Variants in SLC22A25 observed in about 807,000 individuals in gnomAD.
SLC22A25 encodes the protein solute carrier family 22 member 25.
A neutral mutation model predicts 45.9 loss-of-function variants in SLC22A25; 44 were observed. The ratio of observed to expected loss-of-function variants is 0.96; its 90% CI spans 0.75 to 1.23. The LOEUF (loss-of-function observed/expected upper bound fraction) is 1.23, where lower values mean the gene tolerates loss of function less well. Ranked by LOEUF, SLC22A25 falls within the 50% of genes most tolerant of loss-of-function variation. SLC22A25 has a pLI of 0.00. For missense variants in SLC22A25, 800 were observed against 666.4 expected (o/e 1.20, Z -2.21); for synonymous variants, 283 against 238.6 (o/e 1.19, Z -1.72).
chr11:63,163,148 C>A lies in SLC22A25; in HGVS notation c.*676G>T, dbSNP rs1291974382. Among the ~76,000 whole-genome samples the A allele has an allele frequency of 6.6e-6, 1 of 152,140 alleles. No homozygotes were observed. Among genetic ancestry groups the A allele is most frequent in the Non-Finnish European group, 1.5e-5 (1 of 68,028 alleles). ...GTGAAGTAAAAAACCAAGCTCCCAG[C>A]CTAGGATCTGGGAAGGCAGCTTGAA... is the stretch of plus-strand genomic sequence containing the variant. On this transcript the variant is annotated 3_prime_UTR_variant, in exon 12 of 12. Transcript: ENST00000306494.
chr11:63,242,888 G>A (rs181418063), intron 1 of SLC22A25, among the ~76,000 whole-genome samples: 62 of 152,208 alleles, frequency 4.1e-4, no homozygotes, highest in African/African-American at 1.1e-3. Context: ...AGCTCTGCTC[G>A]CCCACTGCCC....
At chr11:63,234,285 T>A (rs547966983) in intron 3 of SLC22A25, among the ~76,000 whole-genome samples, 172 of 152,248 alleles carry the variant, frequency 1.1e-3, no homozygotes, top group African/African-American at 4.0e-3. Context: ...TCTCTTTGTA[T>A]GTCTCTAAGG....
chr11:63,163,967 A>G lies in SLC22A25; in HGVS notation c.1501T>C (p.Tyr501His). 6.2e-7 allele frequency: 1 copy of G among 1,613,924 alleles called. No individual in the cohort carries two copies. The highest frequency in any genetic ancestry group is 1.7e-4 in the Middle Eastern group (1 of 6,056). Residue 501 changes from tyrosine (Y) to histidine (H), a missense_variant, in exon 12 of 12, where the codon TAT becomes CAT. Tyr to His is a moderately conservative substitution (Grantham distance 83). Coordinates refer to ENST00000306494, the MANE Select transcript of SLC22A25 (RefSeq NM_199352.6). ...CCAGAGAGGATGGCAAAGACTCCAT[A>G]GATGATCCAGGGCAGGGGTCGAGAA... Reference protein sequence around the residue: ...IYSRPLPWIIYGVFAILSGLV... With the variant: ...IYSRPLPWIIHGVFAILSGLV...
chr11:63,186,687 T>C (rs918124795), intron 7 of SLC22A25, among the ~76,000 whole-genome samples: 1 of 152,180 alleles, frequency 6.6e-6, no homozygotes, highest in Non-Finnish European at 1.5e-5. Context: ...GGTCTAACAT[T>C]TAAGTCTTTA....
At chr11:63,177,876 G>GTATATATATAATATATATATATAATA (rs2088167165) in intron 9 of SLC22A25, among the ~76,000 whole-genome samples, 2 of 33,354 alleles carry the variant, frequency 6.0e-5, no homozygotes, top group African/African-American at 1.2e-4. Flanking sequence ...TATATATAAT[G>GTATATATATAATATATATATATAATA]TATATATATA....
chr11:63,188,911 C>A (rs549694718), intron 7 of SLC22A25, among the ~76,000 whole-genome samples: 3 of 152,056 alleles, frequency 2.0e-5, no homozygotes, highest in Non-Finnish European at 4.4e-5. Context: ...GTCTGAGAGA[C>A]AGTTTGTTAT....
rs1565124343 is a variant in SLC22A25, at chr11:63,229,404, C to T, written c.249G>A (p.Leu83=). 1.2e-6 allele frequency: 2 copies of T among 1,614,092 alleles called. No homozygotes were observed. The highest frequency in any genetic ancestry group is 3.3e-5 in the Admixed American group (2 of 60,012). The part of the protein sequence containing the change: ...LRISIPFDSN[L]RPEKCRRFVH... Reference sequence around the variant, plus strand: ...CAAAGCGACGACACTTCTCTGGCCTCAGATTTGAGTCGAATGGGATGGAGA... The same window carrying T: ...CAAAGCGACGACACTTCTCTGGCCTTAGATTTGAGTCGAATGGGATGGAGA... Residue 83 remains leucine (L), a synonymous_variant, in exon 4 of 12, where the codon CTG becomes CTA. Coordinates refer to ENST00000306494, the MANE Select transcript of SLC22A25 (RefSeq NM_199352.6).
Position 63,161,468 on chromosome 11 carries a change from G to A in SLC22A25, c.*2356C>T, listed in dbSNP as rs1046701628. ...CGCCTACCCAATCTCATCTTGAATT[G>A]TAGCTCCCACAATTCCCACACATCA... On this transcript the variant is annotated 3_prime_UTR_variant, in exon 12 of 12. Transcript: ENST00000306494. 5.9e-5 allele frequency among the ~76,000 whole-genome samples: 9 copies of A among 152,162 alleles called. No individual in the cohort carries two copies. In the South Asian group the frequency reaches 1.9e-3, roughly 32 times the overall value.
intron 5 of SLC22A25, among the ~76,000 whole-genome samples, chr11:63,219,721 C>T (rs2134821254): frequency 6.6e-6 from 1 of 152,270 alleles, no homozygotes; most frequent in African/African-American, 2.4e-5. Flanking sequence ...GCCCCGTCAA[C>T]TTCAGCTGGT....
rs58040188 is a variant in SLC22A25, at chr11:63,177,351, AGTGTGTGT to A, written c.1070+3301_1070+3308del. ...CATTATCTCACACATTCATCATTTG[AGTGTGTGT>A]GTGTGTGTGTGTGTGTGTGTGTGTG... On this transcript the variant is annotated intron_variant, in intron 9 of 11. Transcript: ENST00000306494. 5.0e-3 allele frequency among the ~76,000 whole-genome samples: 746 copies of A among 149,552 alleles called. 4 individuals carry two copies. The highest frequency in any genetic ancestry group is 0.012 in the African/African-American group (503 of 40,806).
At chr11:63,239,247 A>G (rs1336489045) in intron 1 of SLC22A25, 112 bp from the exon 2 acceptor site, 1 of 152,236 alleles carries the variant, frequency 6.6e-6, no homozygotes, top group African/African-American at 2.4e-5. Context: ...TAGGCCCTGC[A>G]TCACATTTGC....
chr11:63,183,216 A>G (rs1038315740), intron 8 of SLC22A25, among the ~76,000 whole-genome samples: 7 of 152,152 alleles, frequency 4.6e-5, no homozygotes, highest in African/African-American at 1.7e-4. Flanking sequence ...ATTTCCAAGA[A>G]AGAATGAAAT....
chr11:63,161,230 C>G lies in SLC22A25; in HGVS notation c.*2594G>C, dbSNP rs1273358333. Among the ~76,000 whole-genome samples the G allele has an allele frequency of 6.6e-6, 1 of 152,142 alleles. No homozygotes were observed. Among genetic ancestry groups the G allele is most frequent in the Non-Finnish European group, 1.5e-5 (1 of 68,030 alleles). On this transcript the variant is annotated 3_prime_UTR_variant, in exon 12 of 12. Coordinates refer to ENST00000306494, the MANE Select transcript of SLC22A25 (RefSeq NM_199352.6). ...TCCAATGCCTGTACCCCCATTGTAT[C>G]TAGGAAGTAACCAATTTCTTTTGAT... is the stretch of plus-strand genomic sequence containing the variant.
Position 63,217,365 on chromosome 11 carries a change from A to T in SLC22A25, c.779T>A (p.Ile260Asn), listed in dbSNP as rs1590887355. ...TGGTGCAGACATCACCAACTGGAGG[A>T]TGCACTGGTCTCGAATGACAAAAGC... ...SLAFVIRDQCILQLVMSAPCF... is the reference protein window; with the variant it reads ...SLAFVIRDQCNLQLVMSAPCF... The change falls in exon 7 of 12, where the codon ATC becomes AAC. Residue 260 changes from isoleucine to asparagine, a missense_variant. Ile to Asn is a moderately radical substitution (Grantham distance 149). Transcript: ENST00000306494. The T allele has an allele frequency of 6.2e-7, 1 of 1,614,028 alleles. No individual in the cohort carries two copies. Among genetic ancestry groups the T allele is most frequent in the Non-Finnish European group, 8.5e-7 (1 of 1,179,994 alleles).
chr11:63,220,370 G>A (rs1009222423), intron 5 of SLC22A25, among the ~76,000 whole-genome samples: 7 of 152,150 alleles, frequency 4.6e-5, no homozygotes, highest in South Asian at 2.1e-4. Flanking sequence ...ATTCCATGTC[G>A]TGAAACATGT....
chr11:63,198,515 A>G (rs1225297785), intron 7 of SLC22A25, among the ~76,000 whole-genome samples: 1 of 152,190 alleles, frequency 6.6e-6, no homozygotes, highest in African/African-American at 2.4e-5. Context: ...GTGGTAATCG[A>G]ACAATGAGAA....
intron 8 of SLC22A25, among the ~76,000 whole-genome samples, chr11:63,181,972 A>G (rs2088342593): frequency 6.6e-6 from 1 of 152,072 alleles, no homozygotes; most frequent in African/African-American, 2.4e-5. Flanking sequence ...TACGTACTGA[A>G]CTCGCTGACC....
At chr11:63,206,065 G>A (rs985232112) in intron 7 of SLC22A25, among the ~76,000 whole-genome samples, 1 of 152,048 alleles carries the variant, frequency 6.6e-6, no homozygotes, top group African/African-American at 2.4e-5. Flanking sequence ...TGCAGAAAAG[G>A]CCTTCAATAA....
At chr11:63,219,771 T>TTG (rs2089807795) in intron 5 of SLC22A25, 1 of 472,622 alleles carries the variant, frequency 2.1e-6, no homozygotes. Flanking sequence ...CTACCTTATC[T>TTG]TGCACCACCC....
Sources: gnomAD v4.1 joint callset for allele counts (sites outside exome capture counted in the v4.1 genomes callset) on GRCh38, gnomAD v4.1.1 for gene constraint, MANE v1.5 for transcripts, NCBI Gene and HGNC (gene_info 2026-07-23, HGNC 2026-07-21) for gene names.